Variants in PTPRC observed in about 807,000 individuals in gnomAD.
PTPRC encodes the protein protein tyrosine phosphatase receptor type C, also known as receptor-type tyrosine-protein phosphatase C.
A neutral mutation model predicts 155.9 loss-of-function variants in PTPRC; 44 were observed. The observed-to-expected ratio is 0.28, with a 90% CI of 0.22 to 0.36. PTPRC has a LOEUF of 0.36. PTPRC is among the 10% of genes least tolerant of loss of function. The probability of loss-of-function intolerance (pLI) is 1.00; values close to 1 mark genes in which losing one functional copy is unlikely to be tolerated. For missense variants in PTPRC, 1,401 were observed against 1,564.6 expected, an observed-to-expected ratio of 0.90 and a Z score of 1.76; for synonymous variants, 525 against 533.1, an observed-to-expected ratio of 0.98 and a Z score of 0.21.
chr1:198,656,776 T>C (rs1663604492), intron 2 of PTPRC, among the ~76,000 whole-genome samples: 1 of 151,788 alleles, frequency 6.6e-6, no homozygotes, highest in African/African-American at 2.4e-5. Flanking sequence ...GAAACTTTAG[T>C]TGCTATAAAA....
intron 2 of PTPRC, among the ~76,000 whole-genome samples, chr1:198,662,662 C>T (rs1404119299): frequency 1.3e-5 from 2 of 152,100 alleles, no homozygotes; most frequent in Admixed American, 1.3e-4. Context: ...ATGTAGTTCT[C>T]TCCATATTCT....
At chr1:198,739,320 G>C (rs1654790699) in intron 23 of PTPRC, among the ~76,000 whole-genome samples, 2 of 151,694 alleles carry the variant, frequency 1.3e-5, no homozygotes, top group Non-Finnish European at 2.9e-5. Flanking sequence ...CCAACAATCT[G>C]TTGCTTACAA....
chr1:198,757,141 T>G lies in PTPRC; in HGVS notation c.*960T>G, dbSNP rs891274784. ...GATATGAAAAATATGATATTGCATA[T>G]GCATAGTTCCCATGTTAAATCCCAT... is the stretch of plus-strand genomic sequence containing the variant. On this transcript the variant is annotated 3_prime_UTR_variant, in exon 33 of 33. Coordinates refer to ENST00000442510, the MANE Select transcript of PTPRC (RefSeq NM_002838.5). 1 of 151,900 alleles carries G rather than the reference T, an allele frequency of 6.6e-6. No homozygotes were observed. The highest frequency in any genetic ancestry group is 2.4e-5 in the African/African-American group (1 of 41,444). The allele number at this position is 151,900 out of a possible 1,614,324, so 9.4% of individuals were successfully genotyped here. A position where few individuals can be genotyped will look rare whatever the true frequency, so the allele number is the denominator to read the frequency against.
intron 2 of PTPRC, among the ~76,000 whole-genome samples, chr1:198,651,521 G>C (rs975166709): frequency 1.3e-5 from 2 of 151,544 alleles, no homozygotes; most frequent in African/African-American, 4.8e-5. Context: ...CTCAGGCTTG[G>C]CAGGTTTCCT....
At chr1:198,746,139 C>T (rs910791199) in intron 26 of PTPRC, among the ~76,000 whole-genome samples, 3 of 151,722 alleles carry the variant, frequency 2.0e-5, no homozygotes, top group African/African-American at 7.3e-5. Flanking sequence ...AAAATGATGA[C>T]AGACCTTGGA....
intron 32 of PTPRC, among the ~76,000 whole-genome samples, chr1:198,755,379 C>T (rs1461316620): frequency 6.6e-6 from 1 of 152,022 alleles, no homozygotes; most frequent in Non-Finnish European, 1.5e-5. Flanking sequence ...GATTTCATAT[C>T]TTGGTACTTA....
chr1:198,754,393 G>A lies in PTPRC; in HGVS notation c.3634G>A (p.Val1212Ile). 1 of 1,613,442 alleles carries A rather than the reference G, an allele frequency of 6.2e-7. No homozygotes were observed. The highest frequency in any genetic ancestry group is 8.5e-7 in the Non-Finnish European group (1 of 1,179,684). ...TCTACGCAAAGCTAGGCCAGGCATG[G>A]TTTCCACATTCGTAAGTATCCTTCA... ...KALRKARPGM[V>I]STFEQYQFLY... Residue 1212 changes from valine to isoleucine, a missense_variant, in exon 32 of 33, where the codon GTT becomes ATT. Physicochemically the swap from Val to Ile is conservative, Grantham distance 29. Transcript: ENST00000442510.
In PTPRC at chr1:198,653,653, T is replaced by C. The variant is rs909705751; in HGVS notation, c.73+14312T>C. Among the ~76,000 whole-genome samples, 15 of 151,828 alleles carry C rather than the reference T, an allele frequency of 9.9e-5. No homozygotes were observed. The Admixed American group carries it at 9.9e-4, about 10-fold the overall frequency. On this transcript the variant is annotated intron_variant, in intron 2 of 32. Coordinates refer to ENST00000442510, the MANE Select transcript of PTPRC (RefSeq NM_002838.5). ...GATTTTTGTGGAATCTTCGCTCCAG[T>C]TTAAGTTTTGTCAGTGTCTGGAAGA...
chr1:198,726,994 T>G (rs1558025403), intron 15 of PTPRC, among the ~76,000 whole-genome samples: 1 of 151,740 alleles, frequency 6.6e-6, no homozygotes, highest in Admixed American at 6.6e-5. Context: ...TCCCAAGTAG[T>G]TGGCATTACA....
intron 10 of PTPRC, among the ~76,000 whole-genome samples, chr1:198,708,747 C>G (rs933527267): frequency 6.6e-6 from 1 of 152,160 alleles, no homozygotes; most frequent in Non-Finnish European, 1.5e-5. Flanking sequence ...AGAAAAAGAA[C>G]AGCAAGTGCA....
Position 198,736,258 on chromosome 1 carries a change from G to C in PTPRC, c.2403+1006G>C, listed in dbSNP as rs1020677624. Among the ~76,000 whole-genome samples the C allele has an allele frequency of 1.3e-5, 2 of 151,520 alleles. 1 individual carries two copies. The highest frequency in any genetic ancestry group is 1.3e-4 in the Admixed American group (2 of 15,162). On this transcript the variant is annotated intron_variant, in intron 23 of 32. Coordinates refer to ENST00000442510, the MANE Select transcript of PTPRC (RefSeq NM_002838.5). ...ATTATTGTTGAATAGTCACCCTGTTGTGCTATCAAATACAAGGTCTTATTC... is the reference window on the plus strand; with the variant it reads ...ATTATTGTTGAATAGTCACCCTGTTCTGCTATCAAATACAAGGTCTTATTC...
chr1:198,694,123 C>T (rs1666075117), intron 3 of PTPRC: 1 of 1,543,554 alleles, frequency 6.5e-7, no homozygotes, highest in Non-Finnish European at 8.7e-7. Flanking sequence ...GCCCGAGAGC[C>T]CCTCACAAAC....
In PTPRC at chr1:198,752,595, G is replaced by A; in HGVS notation, c.3332G>A (p.Arg1111Lys). Residue 1111 changes from arginine to lysine, a missense_variant and splice_region_variant, in exon 31 of 33, where the codon AGG becomes AAG. Arg to Lys is a conservative substitution (Grantham distance 26, BLOSUM62 2). This residue lies in a region of PTPRC where 400 missense variants were observed against 389.5 expected (regional missense o/e 1.03). Transcript: ENST00000442510. ...TGCTCTCTTCAATTCTGATTTTAGA[G>A]GAAAGACTCTCGAACTGTGTACCAG... ...LRVFELRHSK[R>K]KDSRTVYQYQ... The A allele has an allele frequency of 1.2e-6, 2 of 1,611,906 alleles. No homozygotes were observed. The highest frequency in any genetic ancestry group is 1.7e-6 in the Non-Finnish European group (2 of 1,178,676).
At chr1:198,737,159 T>C (rs1311644684) in intron 23 of PTPRC, among the ~76,000 whole-genome samples, 2 of 151,758 alleles carry the variant, frequency 1.3e-5, no homozygotes, top group Admixed American at 6.6e-5. Context: ...ACTTTGTTGA[T>C]TGTTTTCTTT....
intron 15 of PTPRC, 31 bp downstream of exon 15, chr1:198,722,507 T>C (rs750326255): frequency 1.7e-6 from 2 of 1,190,906 alleles, no homozygotes; most frequent in Admixed American, 5.2e-5. Context: ...TTATTATATA[T>C]ATTAAGATAT....
At chr1:198,731,213 G>T (rs1455226268) in intron 17 of PTPRC, among the ~76,000 whole-genome samples, 1 of 151,858 alleles carries the variant, frequency 6.6e-6, no homozygotes, top group East Asian at 1.9e-4. Context: ...TATTTCATTT[G>T]CATGTTTACA....
chr1:198,716,520 A>T (rs368731967), intron 12 of PTPRC, among the ~76,000 whole-genome samples, 162 bp from the exon 13 acceptor site: 31 of 152,234 alleles, frequency 2.0e-4, no homozygotes, highest in African/African-American at 7.5e-4. Flanking sequence ...ACACTGGCTG[A>T]TAATTGTAGG....
chr1:198,716,967 G>A (rs977059250), intron 13 of PTPRC, 127 bp downstream of exon 13: 5 of 843,388 alleles, frequency 5.9e-6, no homozygotes, highest in Non-Finnish European at 7.5e-6. Flanking sequence ...TAACATCTAG[G>A]GCTTATAAAC....
rs76763781 is a variant in PTPRC, at chr1:198,710,165, G to A, written c.1171+341G>A. On this transcript the variant is annotated intron_variant, in intron 11 of 32. Coordinates refer to ENST00000442510, the MANE Select transcript of PTPRC (RefSeq NM_002838.5). ...AGTCTAATTTCATTTTGTTGCATAT[G>A]GCCATCTAATTTTTCCAGCGCCATT... Among the ~76,000 whole-genome samples the A allele has an allele frequency of 1.8e-3, 271 of 152,194 alleles. 1 individual carries two copies. The highest frequency in any genetic ancestry group is 3.3e-3 in the Non-Finnish European group (222 of 67,978).
Sources: gnomAD v4.1 joint callset for allele counts (sites outside exome capture counted in the v4.1 genomes callset) on GRCh38, gnomAD v4.1.1 for gene constraint, gnomAD v4.1.1 regional missense constraint, MANE v1.5 for transcripts, NCBI Gene and HGNC (gene_info 2026-07-23, HGNC 2026-07-21) for gene names.